The following AFF3 variants were observed in gnomAD, a reference collection of about 807,000 sequenced individuals.
AFF3 encodes the protein ALF transcription elongation factor 3.
Under a neutral mutation model 129.7 loss-of-function variants are expected in AFF3, and 32 were observed. That is an observed-to-expected ratio of 0.25 (90% confidence interval 0.19 to 0.33). The LOEUF is 0.33. Ranked by LOEUF, AFF3 falls within the 10% of genes least tolerant of loss-of-function variation. AFF3 has a pLI of 1.00. For missense variants in AFF3, 1,373 were observed against 1,592.0 expected, an observed-to-expected ratio of 0.86 and a Z score of 2.34; for synonymous variants, 644 against 635.4, an observed-to-expected ratio of 1.01 and a Z score of -0.20.
chr2:99,576,892 ACTC>A (rs1677050453), intron 18 of AFF3, among the ~76,000 whole-genome samples: 3 of 151,990 alleles, frequency 2.0e-5, no homozygotes, highest in African/African-American at 7.3e-5. Context: ...ACCTGACTGT[ACTC>A]CCACTCCATG....
chr2:99,558,826 G>T (rs367744120), intron 22 of AFF3, 49 bp downstream of exon 22: 8 of 1,572,260 alleles, frequency 5.1e-6, no homozygotes, highest in Non-Finnish European at 5.2e-6. Flanking sequence ...AATTTGACAG[G>T]GAGACAAGTG....
At chr2:100,056,788 T>G (rs1686823724) in intron 4 of AFF3, among the ~76,000 whole-genome samples, 1 of 152,210 alleles carries the variant, frequency 6.6e-6, no homozygotes. Flanking sequence ...CAAATAGTAT[T>G]GTTTTAAAAC....
chr2:100,028,175 T>C (rs1684200593), intron 4 of AFF3, among the ~76,000 whole-genome samples: 1 of 152,192 alleles, frequency 6.6e-6, no homozygotes, highest in South Asian at 2.1e-4. Flanking sequence ...TAGGTGACAG[T>C]GGTGTCTCCC....
chr2:99,614,658 C>G (rs758522320), intron 13 of AFF3, among the ~76,000 whole-genome samples: 1 of 152,200 alleles, frequency 6.6e-6, no homozygotes, highest in Non-Finnish European at 1.5e-5. Flanking sequence ...TTCTAACACT[C>G]GAAACATTTC....
intron 18 of AFF3, among the ~76,000 whole-genome samples, chr2:99,574,012 T>C (rs1676752988): frequency 6.6e-6 from 1 of 152,120 alleles, no homozygotes; most frequent in Admixed American, 6.6e-5. Context: ...TACGGAGGCC[T>C]TCATGACACA....
intron 15 of AFF3, among the ~76,000 whole-genome samples, chr2:99,592,948 A>C: frequency 7.4e-6 from 1 of 135,532 alleles, no homozygotes; most frequent in African/African-American, 2.7e-5. Context: ...CCCCCCAAAA[A>C]AAGGGATAAT....
chr2:99,707,900 C>G (rs1317124811), intron 11 of AFF3, among the ~76,000 whole-genome samples: 1 of 152,126 alleles, frequency 6.6e-6, no homozygotes, highest in Non-Finnish European at 1.5e-5. Flanking sequence ...TCTCTCCCTT[C>G]TTCACCTATC....
chr2:100,007,625 C>G (rs1682091431), intron 5 of AFF3, 165 bp from the exon 6 acceptor site: 3 of 666,046 alleles, frequency 4.5e-6, no homozygotes, highest in Non-Finnish European at 7.6e-6. Context: ...TCTGTCAGCA[C>G]TTGGTGATGC....
At chr2:99,950,630 C>G (rs1019882710) in intron 7 of AFF3, among the ~76,000 whole-genome samples, 2 of 152,130 alleles carry the variant, frequency 1.3e-5, no homozygotes, top group South Asian at 4.1e-4. Context: ...ATCATTTTAT[C>G]TTACAACCTC....
intron 8 of AFF3, among the ~76,000 whole-genome samples, chr2:99,832,658 C>T (rs1428190426): frequency 6.6e-6 from 1 of 152,208 alleles, no homozygotes; most frequent in Non-Finnish European, 1.5e-5. Flanking sequence ...GTATTTCTGT[C>T]CCTAACCGTT....
chr2:100,114,723 G>A (rs1469965380), intron 2 of AFF3, among the ~76,000 whole-genome samples: 1 of 152,030 alleles, frequency 6.6e-6, no homozygotes, highest in African/African-American at 2.4e-5. Flanking sequence ...TTCACTAACA[G>A]AAAGGGTGGG....
At chr2:99,917,907 G>A (rs1695583425) in intron 7 of AFF3, among the ~76,000 whole-genome samples, 1 of 151,982 alleles carries the variant, frequency 6.6e-6, no homozygotes, top group Non-Finnish European at 1.5e-5. Context: ...TTTATTATAT[G>A]GCCGTTATAT....
chr2:99,753,092 CTATTAT>C (rs560366939), intron 8 of AFF3, among the ~76,000 whole-genome samples: 1 of 151,546 alleles, frequency 6.6e-6, no homozygotes, highest in East Asian at 1.9e-4. Flanking sequence ...GATGTGAACC[CTATTAT>C]TATTATTATT....
chr2:99,728,052 C>G (rs1259567553), intron 10 of AFF3, among the ~76,000 whole-genome samples: 1 of 152,186 alleles, frequency 6.6e-6, no homozygotes, highest in African/African-American at 2.4e-5. Context: ...GGGCTGTGAT[C>G]ACTGAGGAAT....
intron 7 of AFF3, among the ~76,000 whole-genome samples, chr2:99,990,780 C>A (rs1204430068): frequency 3.3e-5 from 5 of 152,104 alleles, no homozygotes; most frequent in African/African-American, 1.2e-4. Flanking sequence ...GAAGAGCAAT[C>A]AACAAGGTGT....
chr2:99,600,640 C>T (rs903579772), intron 14 of AFF3, among the ~76,000 whole-genome samples: 6 of 152,158 alleles, frequency 3.9e-5, no homozygotes, highest in African/African-American at 1.2e-4. Context: ...AATGTTTACG[C>T]ACTCAAGAAG....
At chr2:99,768,939 C>A (rs922041010) in intron 8 of AFF3, among the ~76,000 whole-genome samples, 1 of 152,086 alleles carries the variant, frequency 6.6e-6, no homozygotes, top group African/African-American at 2.4e-5. Context: ...CTATCCTTGA[C>A]CTTTGGGAGT....
intron 4 of AFF3, among the ~76,000 whole-genome samples, chr2:100,009,807 T>A (rs1682349337): frequency 6.6e-6 from 1 of 152,154 alleles, no homozygotes; most frequent in Non-Finnish European, 1.5e-5. Context: ...ATGCACTTGT[T>A]TTTCTGGCTC....
At chr2:99,773,295 G>A (rs1683634188) in intron 8 of AFF3, among the ~76,000 whole-genome samples, 1 of 152,174 alleles carries the variant, frequency 6.6e-6, no homozygotes, top group Non-Finnish European at 1.5e-5. Flanking sequence ...TTAGCCAGGT[G>A]CTCATTAAAG....
Sources: allele counts gnomAD v4.1 joint callset (sites outside exome capture counted in the v4.1 genomes callset), GRCh38; gene constraint gnomAD v4.1.1; transcripts MANE v1.5; gene names NCBI Gene and HGNC (gene_info 2026-07-23, HGNC 2026-07-21).